The following PCLO variants were observed in gnomAD, a reference collection of about 807,000 sequenced individuals.
PCLO encodes protein piccolo.
In PCLO, 82 loss-of-function variants were observed where a neutral mutation model predicts 427.5. The ratio of observed to expected loss-of-function variants is 0.19; its 90% CI spans 0.16 to 0.23. PCLO has a LOEUF of 0.23. Among genes scored for constraint, PCLO ranks in the 10% least tolerant of loss-of-function variants. The pLI, the probability that PCLO is intolerant of heterozygous loss-of-function variation, is 1.00. For missense variants in PCLO, 6,239 were observed against 6,115.9 expected, an observed-to-expected ratio of 1.02 and a Z score of -0.67; for synonymous variants, 2,357 against 2,155.4, an observed-to-expected ratio of 1.09 and a Z score of -2.59.
chr7:82,798,005 T>C (rs1791263932), intron 22 of PCLO, among the ~76,000 whole-genome samples: 2 of 152,056 alleles, frequency 1.3e-5, no homozygotes, highest in South Asian at 4.1e-4. Context: ...AAATTGTAAC[T>C]CCCTAAAACA....
chr7:82,815,560 T>C (rs1344518447), intron 20 of PCLO, among the ~76,000 whole-genome samples: 2 of 152,066 alleles, frequency 1.3e-5, no homozygotes, highest in African/African-American at 2.4e-5. Context: ...AAATACATGG[T>C]TTTCAATTTG....
In PCLO at chr7:83,144,790, C is replaced by G. The variant is rs1791952365; in HGVS notation, c.1894-9134G>C. On this transcript the variant is annotated intron_variant, in intron 2 of 24. Coordinates refer to ENST00000333891, the MANE Select transcript of PCLO (RefSeq NM_033026.6). The stretch of plus-strand genomic sequence containing the variant: ...TTAAATAAATTTAAAAAGATCTACA[C>G]ATTAAAAATTTTCCCCAAAAATACA... 2.0e-5 allele frequency among the ~76,000 whole-genome samples: 3 copies of G among 152,234 alleles called. No homozygotes were observed. In the South Asian group the frequency reaches 6.2e-4, roughly 32 times the overall value.
chr7:83,019,651 C>G (rs1041693688), intron 3 of PCLO, among the ~76,000 whole-genome samples: 2 of 151,932 alleles, frequency 1.3e-5, no homozygotes, highest in East Asian at 3.9e-4. Context: ...AGATACAAAG[C>G]TACTATTTAG....
chr7:82,787,600 C>T (rs569938372), intron 22 of PCLO, among the ~76,000 whole-genome samples: 30 of 152,148 alleles, frequency 2.0e-4, no homozygotes, highest in African/African-American at 2.7e-4. Context: ...TATCACATGA[C>T]GTGCTAGACA....
chr7:83,090,483 A>G (rs915977251), intron 3 of PCLO, among the ~76,000 whole-genome samples: 3 of 152,196 alleles, frequency 2.0e-5, no homozygotes, highest in Non-Finnish European at 4.4e-5. Flanking sequence ...CACACAAAGC[A>G]TAATATACTC....
At chr7:82,801,666 TAAAATGACATTGATAGTAATGGC>T in intron 21 of PCLO, 75 bp from the exon 22 acceptor site, 1 of 861,380 alleles carries the variant, frequency 1.2e-6, no homozygotes, top group Non-Finnish European at 1.9e-6. Context: ...TTTGCATAAA[TAAAATGACATTGATAGTAATGGC>T]AAAACCTGCA....
intron 7 of PCLO, among the ~76,000 whole-genome samples, chr7:82,909,292 AAG>A (rs1794266318): frequency 1.3e-5 from 2 of 152,104 alleles, no homozygotes; most frequent in Non-Finnish European, 2.9e-5. Context: ...CAGGAGAAAA[AAG>A]AAATTTAGAT....
At chr7:83,107,184 A>G (rs1360415647) in intron 3 of PCLO, among the ~76,000 whole-genome samples, 1 of 152,176 alleles carries the variant, frequency 6.6e-6, no homozygotes, top group Non-Finnish European at 1.5e-5. Context: ...ATAGTACCTG[A>G]TAGGTAGTTT....
chr7:82,906,309 T>C (rs1794191579), intron 8 of PCLO, among the ~76,000 whole-genome samples: 1 of 152,068 alleles, frequency 6.6e-6, no homozygotes, highest in Non-Finnish European at 1.5e-5. Flanking sequence ...ATATGATTTC[T>C]TGTTATGCAT....
rs778108792 is a variant in PCLO, at chr7:82,794,459, C to CTTTTTTTTTTT, written c.15007+7048_15007+7058dup. 4.1e-3 allele frequency among the ~76,000 whole-genome samples: 232 copies of CTTTTTTTTTTT among 56,358 alleles called. 66 individuals are homozygous for CTTTTTTTTTTT. Among genetic ancestry groups the CTTTTTTTTTTT allele is most frequent in the South Asian group, 7.1e-3 (5 of 706 alleles). The allele number at this position is 56,358 out of a possible 152,430, so 37.0% of individuals were successfully genotyped here. ...ACATGCTAGTTCATAAATTTTTTTT[C>CTTTTTTTTTTT]TTTTTTTTTTTTTTTTTTTTTTTTT... On this transcript the variant is annotated intron_variant, in intron 22 of 24. Coordinates refer to ENST00000333891, the MANE Select transcript of PCLO (RefSeq NM_033026.6).
Position 83,135,283 on chromosome 7 carries a change from T to A in PCLO, c.2267A>T (p.Gln756Leu), listed in dbSNP as rs1278677326. 2 of 1,613,946 alleles carry A rather than the reference T, an allele frequency of 1.2e-6. No homozygotes were observed. ...KAPVADDKPKQPKMVKPTTDL... is the reference protein window; with the variant it reads ...KAPVADDKPKLPKMVKPTTDL... ...AGTGGTTGGCTTTACCATCTTGGGC[T>A]GCTTTGGTTTATCATCAGCAACAGG... is the stretch of plus-strand genomic sequence containing the variant. Residue 756 changes from glutamine (Q) to leucine (L), a missense_variant, in exon 3 of 25, where the codon CAG becomes CTG. By Grantham distance (113) the Gln-to-Leu change is moderately radical. Transcript: ENST00000333891.
intron 3 of PCLO, among the ~76,000 whole-genome samples, chr7:83,082,417 T>C (rs1790124445): frequency 6.6e-6 from 1 of 151,736 alleles, no homozygotes; most frequent in Admixed American, 6.6e-5. Context: ...TCAACTATAA[T>C]AAAAATCGTA....
chr7:82,768,151 G>A (rs1790570814), intron 22 of PCLO, among the ~76,000 whole-genome samples: 2 of 152,088 alleles, frequency 1.3e-5, no homozygotes, highest in African/African-American at 4.8e-5. Context: ...GGCTGGGGAC[G>A]GTGGCTCACA....
chr7:82,899,959 C>A (rs1794000801), intron 9 of PCLO, among the ~76,000 whole-genome samples: 1 of 151,482 alleles, frequency 6.6e-6, no homozygotes. Context: ...ATAATTTTGG[C>A]ATTGTTAGAA....
Position 82,955,550 on chromosome 7 carries a change from C to T in PCLO, c.5403G>A (p.Lys1801=), listed in dbSNP as rs776252638. Residue 1801 remains lysine (K), a synonymous_variant, in exon 5 of 25, where the codon AAG becomes AAA. Transcript: ENST00000333891. The part of the protein sequence containing the change: ...KQREIEQQQR[K]SSSKKSKKDK... ...CTTTCTTTGATTTTTTACTAGAACTCTTTCTTTGTTGCTGTTCTATTTCCC... is the reference window on the plus strand; with the variant it reads ...CTTTCTTTGATTTTTTACTAGAACTTTTTCTTTGTTGCTGTTCTATTTCCC... The T allele has an allele frequency of 1.1e-5, 18 of 1,613,810 alleles. No homozygotes were observed. The East Asian group carries it at 1.8e-4, about 16-fold the overall frequency.
In PCLO at chr7:83,135,001, T is replaced by C. The variant is rs752667612; in HGVS notation, c.2549A>G (p.Gln850Arg). Residue 850 changes from glutamine (Q) to arginine (R), a missense_variant, in exon 3 of 25, where the codon CAA becomes CGA. Around this residue, in one of 5 missense-constraint regions of PCLO, gnomAD observed 4,677 missense variants for 4,468.4 expected, o/e 1.05. Transcript: ENST00000333891. ...SKGQKQVDPV[Q>R]KKEEPKKAQT... ...TGCTTTCTTGGGTTCTTCCTTCTTT[T>C]GTACGGGGTCAACTTGTTTTTGACC... The C allele has an allele frequency of 6.8e-6, 11 of 1,613,600 alleles. No homozygotes were observed. In the East Asian group the frequency reaches 2.0e-4, roughly 29 times the overall value.
At chr7:82,783,184 G>T (rs550271716) in intron 22 of PCLO, among the ~76,000 whole-genome samples, 1 of 152,332 alleles carries the variant, frequency 6.6e-6, no homozygotes, top group Admixed American at 6.5e-5. Context: ...CTGAGACTAT[G>T]ATATCTACAT....
intron 10 of PCLO, among the ~76,000 whole-genome samples, chr7:82,856,363 G>T (rs980428241): frequency 6.6e-6 from 1 of 152,132 alleles, no homozygotes; most frequent in Non-Finnish European, 1.5e-5. Context: ...GGACCAACCT[G>T]TTAGAAGATT....
chr7:83,135,909 C>T (rs966746659), intron 2 of PCLO, among the ~76,000 whole-genome samples: 2 of 151,890 alleles, frequency 1.3e-5, no homozygotes, highest in African/African-American at 2.4e-5. Context: ...ACAAGCCTGA[C>T]CAACATAGTG....
Sources: gnomAD v4.1 joint callset for allele counts (sites outside exome capture counted in the v4.1 genomes callset) on GRCh38, gnomAD v4.1.1 for gene constraint, gnomAD v4.1.1 regional missense constraint, MANE v1.5 for transcripts, NCBI Gene and HGNC (gene_info 2026-07-23, HGNC 2026-07-21) for gene names.